Variants in ACTR3C observed in about 807,000 individuals in gnomAD.
ACTR3C encodes actin related protein 3C.
ACTR3C carries 18 observed loss-of-function variants against 26.3 expected under a neutral mutation model. The observed-to-expected ratio is 0.68, with a 90% CI of 0.47 to 1.01. The LOEUF (loss-of-function observed/expected upper bound fraction) is 1.01, where lower values mean the gene tolerates loss of function less well. ACTR3C is among the 50% of genes least tolerant of loss of function. ACTR3C has a pLI of 0.00. For missense variants in ACTR3C, 184 were observed against 250.7 expected (o/e 0.73, Z 1.80); for synonymous variants, 55 against 94.5 (o/e 0.58, Z 2.42).
the ACTR3C span, among the ~76,000 whole-genome samples, chr7:150,237,701 C>T: frequency 7.9e-5 from 12 of 152,072 alleles, no homozygotes; most frequent in Admixed American, 3.9e-4. Flanking sequence ...TAGCCAATAA[C>T]GGGAGTATGG....
At chr7:150,109,668 C>T in the ACTR3C span, among the ~76,000 whole-genome samples, 1 of 150,190 alleles carries the variant, frequency 6.7e-6, no homozygotes. Context: ...ATCCTCCAAC[C>T]ACGAGGACTA....
chr7:149,982,024 A>G, the ACTR3C span, among the ~76,000 whole-genome samples: 1 of 152,234 alleles, frequency 6.6e-6, no homozygotes, highest in Non-Finnish European at 1.5e-5. Context: ...GAATGCTCAG[A>G]TGTTGCCGAA....
chr7:150,005,614 G>T, the ACTR3C span, among the ~76,000 whole-genome samples: 15 of 152,190 alleles, frequency 9.9e-5, no homozygotes, highest in Admixed American at 2.6e-4. Flanking sequence ...GTGGTGAGGG[G>T]GGGAAGAGGA....
intron 6 of ACTR3C, among the ~76,000 whole-genome samples, chr7:150,281,117 C>G (rs1050226747): frequency 3.9e-5 from 6 of 151,998 alleles, no homozygotes; most frequent in Non-Finnish European, 8.8e-5. Context: ...GGAATCGGCA[C>G]CATCACTCCT....
At chr7:150,119,695 G>C in the ACTR3C span, among the ~76,000 whole-genome samples, 1 of 152,282 alleles carries the variant, frequency 6.6e-6, no homozygotes, top group East Asian at 1.9e-4. Flanking sequence ...AATTAACAAG[G>C]ATATTCAGGA....
At chr7:149,984,201 CT>C in the ACTR3C span, among the ~76,000 whole-genome samples, 1,659 of 145,290 alleles carry the variant, frequency 0.011, 16 homozygotes, top group Middle Eastern at 0.036. Context: ...TGAGGGATTC[CT>C]TTTTTTTTTT....
the ACTR3C span, among the ~76,000 whole-genome samples, chr7:150,043,008 G>T: frequency 6.6e-6 from 1 of 151,542 alleles, no homozygotes; most frequent in Admixed American, 6.6e-5. Context: ...TCATACAAAG[G>T]CTTGGCTAAT....
At chr7:149,995,532 A>G in the ACTR3C span, among the ~76,000 whole-genome samples, 1 of 152,284 alleles carries the variant, frequency 6.6e-6, no homozygotes, top group Non-Finnish European at 1.5e-5. Context: ...GTCTTTCCAG[A>G]CTGCAGAGAA....
the ACTR3C span, among the ~76,000 whole-genome samples, chr7:150,091,777 T>C: frequency 6.8e-6 from 1 of 147,196 alleles, no homozygotes; most frequent in Non-Finnish European, 1.5e-5. Flanking sequence ...GGTCAGGAGA[T>C]CGAGACCATC....
chr7:150,180,163 G>A, the ACTR3C span, among the ~76,000 whole-genome samples: 8 of 150,332 alleles, frequency 5.3e-5, no homozygotes, highest in East Asian at 1.6e-3. Context: ...AAATTAGCCG[G>A]GCGTGGTCGT....
chr7:149,898,038 T>C, the ACTR3C span, among the ~76,000 whole-genome samples: 1 of 152,204 alleles, frequency 6.6e-6, no homozygotes, highest in Non-Finnish European at 1.5e-5. Context: ...GTCTCAAAGA[T>C]ATCAAATTAT....
chr7:150,036,680 T>A, the ACTR3C span, among the ~76,000 whole-genome samples: 1 of 139,348 alleles, frequency 7.2e-6, no homozygotes, highest in South Asian at 2.2e-4. Flanking sequence ...CTCCGGTAGA[T>A]TGCAAATAAC....
the ACTR3C span, among the ~76,000 whole-genome samples, chr7:149,885,681 C>A: frequency 6.6e-6 from 1 of 152,264 alleles, no homozygotes; most frequent in African/African-American, 2.4e-5. Context: ...AGACCTGGGA[C>A]ACACTGGGGT....
chr7:150,116,026 T>C, the ACTR3C span, among the ~76,000 whole-genome samples: 1 of 152,192 alleles, frequency 6.6e-6, no homozygotes, highest in South Asian at 2.1e-4. Context: ...AAGCCAAAAA[T>C]GAGATCAGAG....
At chr7:149,999,881 A>G in the ACTR3C span, among the ~76,000 whole-genome samples, 2 of 151,966 alleles carry the variant, frequency 1.3e-5, no homozygotes, top group Non-Finnish European at 2.9e-5. Flanking sequence ...AACCATAACT[A>G]CTAATACCTG....
the ACTR3C span, among the ~76,000 whole-genome samples, chr7:150,198,870 G>A: frequency 8.2e-5 from 12 of 146,354 alleles, no homozygotes; most frequent in South Asian, 2.2e-4. Context: ...CTGCCTGGCC[G>A]CCCCTGCTGG....
At chr7:150,125,591 C>CT in the ACTR3C span, among the ~76,000 whole-genome samples, 3 of 151,970 alleles carry the variant, frequency 2.0e-5, no homozygotes, top group Non-Finnish European at 4.4e-5. Context: ...AGGATTCTTG[C>CT]TTTTTTTGCA....
chr7:150,142,987 C>T, the ACTR3C span, among the ~76,000 whole-genome samples: 1 of 151,762 alleles, frequency 6.6e-6, no homozygotes, highest in African/African-American at 2.4e-5. Context: ...GCTCACATCA[C>T]CTCACCGGCT....
the ACTR3C span, among the ~76,000 whole-genome samples, chr7:149,962,435 C>T: frequency 6.6e-6 from 1 of 152,118 alleles, no homozygotes; most frequent in Non-Finnish European, 1.5e-5. Flanking sequence ...TTCAAGGTCA[C>T]ATGGACCCAG....
Sources: allele counts gnomAD v4.1 joint callset (sites outside exome capture counted in the v4.1 genomes callset), GRCh38; gene constraint gnomAD v4.1.1; transcripts MANE v1.5; gene names NCBI Gene and HGNC (gene_info 2026-07-23, HGNC 2026-07-21).